The following LIPK variants were observed in gnomAD, a reference collection of about 807,000 sequenced individuals.
LIPK encodes lipase member K.
A neutral mutation model predicts 48.6 loss-of-function variants in LIPK; 32 were observed. The observed-to-expected ratio is 0.66, with a 90% CI of 0.50 to 0.88. The LOEUF (loss-of-function observed/expected upper bound fraction) is 0.88, where lower values mean the gene tolerates loss of function less well. LIPK is among the 40% of genes least tolerant of loss of function. LIPK has a pLI of 0.00. For synonymous variants in LIPK, 164 were observed against 157.4 expected (o/e 1.04, Z -0.32); for missense variants, 507 against 478.5 (o/e 1.06, Z -0.56).
intron 6 of LIPK, among the ~76,000 whole-genome samples, chr10:88,736,296 G>A (rs1285132256): frequency 1.3e-5 from 2 of 152,176 alleles, no homozygotes; most frequent in Non-Finnish European, 2.9e-5. Flanking sequence ...GGTCTGGAAA[G>A]TAATAATAAG....
chr10:88,744,505 G>A (rs1204767979), intron 9 of LIPK, among the ~76,000 whole-genome samples: 2 of 152,192 alleles, frequency 1.3e-5, no homozygotes, highest in African/African-American at 4.8e-5. Flanking sequence ...ATAGCACCCA[G>A]CCCAGGAGTG....
chr10:88,707,036 T>C (rs1029134445), intron 1 of LIPK, among the ~76,000 whole-genome samples: 2 of 152,296 alleles, frequency 1.3e-5, no homozygotes, highest in East Asian at 3.9e-4. Flanking sequence ...ATATTCCCTC[T>C]AGACATAGAG....
chr10:88,716,304 A>G (rs1172920521), intron 1 of LIPK, among the ~76,000 whole-genome samples: 2 of 151,680 alleles, frequency 1.3e-5, no homozygotes, highest in South Asian at 2.1e-4. Flanking sequence ...ATCACTATTT[A>G]TTAAGAGATT....
intron 2 of LIPK, among the ~76,000 whole-genome samples, chr10:88,724,953 T>C (rs374582686): frequency 3.2e-4 from 49 of 152,344 alleles, no homozygotes; most frequent in African/African-American, 1.1e-3. Context: ...CCCGAGATTT[T>C]TGATAGAGCA....
At chr10:88,737,593 C>T in intron 6 of LIPK, 42 bp from the exon 7 acceptor site, 1 of 1,603,308 alleles carries the variant, frequency 6.2e-7, no homozygotes, top group Non-Finnish European at 8.5e-7. Context: ...CTTTTGATAT[C>T]CACGCCTGTA....
At chr10:88,711,597 T>G (rs561005040) in intron 1 of LIPK, among the ~76,000 whole-genome samples, 3 of 152,186 alleles carry the variant, frequency 2.0e-5, no homozygotes, top group Admixed American at 6.5e-5. Context: ...CTCAGCCTCC[T>G]ATGAGTAGCT....
At chr10:88,706,550 AC>A (rs765435842) in intron 1 of LIPK, among the ~76,000 whole-genome samples, 3 of 152,154 alleles carry the variant, frequency 2.0e-5, no homozygotes, top group Admixed American at 1.3e-4. Context: ...TAGAAAGCAG[AC>A]ATCACTATAT....
At chr10:88,748,020 A>G (rs975908236) in intron 9 of LIPK, among the ~76,000 whole-genome samples, 1 of 152,226 alleles carries the variant, frequency 6.6e-6, no homozygotes, top group African/African-American at 2.4e-5. Context: ...ATGCCCATCA[A>G]TAATAGACTG....
At chr10:88,732,032 G>C (rs1371086361) in intron 4 of LIPK, 146 bp from the exon 5 acceptor site, 1 of 513,748 alleles carries the variant, frequency 1.9e-6, no homozygotes, top group Non-Finnish European at 3.4e-6. Flanking sequence ...ACCCTTAAAA[G>C]TTGCATAGTT....
chr10:88,740,055 G>A lies in LIPK; in HGVS notation c.876G>A (p.Leu292=). The change falls in exon 8 of 10, where the codon CTG becomes CTA. Residue 292 remains leucine, a synonymous_variant. Coordinates refer to ENST00000404190, the MANE Select transcript of LIPK (RefSeq NM_001080518.2). ...CGGGAACATCTGTTCAGAATATGCT[G>A]CACTGGGCTCAGGTAAGTGCTTCTT... ...NPAGTSVQNM[L]HWAQAVNSGQ... is the part of the protein sequence containing the mutation. 1 of 1,602,426 alleles carries A rather than the reference G, an allele frequency of 6.2e-7. No individual in the cohort carries two copies. The highest frequency in any genetic ancestry group is 8.5e-7 in the Non-Finnish European group (1 of 1,172,768).
intron 4 of LIPK, among the ~76,000 whole-genome samples, chr10:88,731,843 A>G (rs948356278): frequency 6.6e-6 from 1 of 152,178 alleles, no homozygotes; most frequent in African/African-American, 2.4e-5. Context: ...TGTTTGCTTT[A>G]TTATTCTCTC....
chr10:88,723,990 G>T (rs1431263969), intron 1 of LIPK, among the ~76,000 whole-genome samples: 1 of 151,996 alleles, frequency 6.6e-6, no homozygotes, highest in Non-Finnish European at 1.5e-5. Flanking sequence ...TATATAATAA[G>T]AAATAATTTT....
intron 1 of LIPK, among the ~76,000 whole-genome samples, chr10:88,716,419 C>T (rs1346842506): frequency 1.5e-5 from 2 of 136,116 alleles, no homozygotes; most frequent in East Asian, 4.7e-4. Context: ...GTGCAGTGGC[C>T]CGATCTCGGT....
At chr10:88,707,641 CTT>C (rs1841959610) in intron 1 of LIPK, among the ~76,000 whole-genome samples, 2 of 152,162 alleles carry the variant, frequency 1.3e-5, no homozygotes, top group African/African-American at 4.8e-5. Flanking sequence ...CTACTGGCCT[CTT>C]AACCTATTTG....
chr10:88,723,684 A>T (rs967226070), intron 1 of LIPK, among the ~76,000 whole-genome samples: 5 of 152,162 alleles, frequency 3.3e-5, no homozygotes, highest in Non-Finnish European at 7.4e-5. Context: ...TAGAAAATTT[A>T]GAAAGTGTGA....
chr10:88,731,806 G>A (rs1038669301), intron 4 of LIPK, among the ~76,000 whole-genome samples: 25 of 152,348 alleles, frequency 1.6e-4, no homozygotes, highest in African/African-American at 5.5e-4. Flanking sequence ...TTCTGATTCA[G>A]TCAGTCTGGG....
intron 3 of LIPK, among the ~76,000 whole-genome samples, chr10:88,729,729 A>G (rs943770364): frequency 3.3e-5 from 5 of 152,270 alleles, no homozygotes; most frequent in African/African-American, 1.2e-4. Flanking sequence ...TCTATTCCAA[A>G]TGGTGGAAAA....
chr10:88,746,399 TA>T (rs35274704), intron 9 of LIPK, among the ~76,000 whole-genome samples: 36,392 of 150,928 alleles, frequency 0.24, 4,523 homozygotes, highest in East Asian at 0.37. Context: ...CTCAACAAAT[TA>T]AAAAAAAACT....
chr10:88,743,176 G>C (rs970583992), intron 8 of LIPK, 74 bp from the exon 9 acceptor site: 1 of 953,718 alleles, frequency 1.0e-6, no homozygotes, highest in Admixed American at 2.2e-5. Context: ...AATCTTCTTT[G>C]TATATTTCTT....
Sources: gnomAD v4.1 joint callset for allele counts (sites outside exome capture counted in the v4.1 genomes callset) on GRCh38, gnomAD v4.1.1 for gene constraint, MANE v1.5 for transcripts, NCBI Gene and HGNC (gene_info 2026-07-23, HGNC 2026-07-21) for gene names.